ZNF469: variants seen among roughly 807,000 people sequenced by gnomAD.
The protein encoded by ZNF469 is zinc finger protein 469.
Under a neutral mutation model 1.0 loss-of-function variants are expected in ZNF469, and 1 was observed. That is an observed-to-expected ratio of 1.00 (90% CI 0.35 to 4.73). The LOEUF (loss-of-function observed/expected upper bound fraction) is 4.73. Among genes scored for constraint, ZNF469 ranks in the 30% most tolerant of loss-of-function variants. The pLI is 0.16. For synonymous variants in ZNF469, 2,703 were observed against 2,363.4 expected, an observed-to-expected ratio of 1.14 and a Z score of -4.17; for missense variants, 6,100 against 5,356.3, an observed-to-expected ratio of 1.14 and a Z score of -4.33.
rs189843416 is a variant in ZNF469, at chr16:88,417,923, C to T, written c.-191-6884C>T. On this transcript the variant is annotated intron_variant, in intron 1 of 2. Transcript: ENST00000565624. Reference sequence around the variant, plus strand: ...TCACGCGTGTGCATGGATGAGCATGCATAACTGCACACACCTGTATATGTG... The same window carrying T: ...TCACGCGTGTGCATGGATGAGCATGTATAACTGCACACACCTGTATATGTG... Among the ~76,000 whole-genome samples the T allele has an allele frequency of 2.6e-5, 4 of 152,338 alleles. No homozygotes were observed. The East Asian group carries it at 5.8e-4, about 22-fold the overall frequency.
the ZNF469 span, among the ~76,000 whole-genome samples, chr16:88,248,792 CCAGTAGTAG>C: frequency 6.6e-6 from 1 of 152,184 alleles, no homozygotes; most frequent in East Asian, 1.9e-4. Context: ...AACAGGTCAG[CCAGTAGTAG>C]CAGAGCGGGG....
chr16:88,298,015 T>G, the ZNF469 span, among the ~76,000 whole-genome samples: 2 of 152,206 alleles, frequency 1.3e-5, no homozygotes, highest in East Asian at 3.9e-4. Flanking sequence ...ATTCCTGCAA[T>G]TGTCCCACAG....
the ZNF469 span, among the ~76,000 whole-genome samples, chr16:88,146,465 G>C: frequency 6.6e-6 from 1 of 152,138 alleles, no homozygotes; most frequent in Non-Finnish European, 1.5e-5. Flanking sequence ...CACGCCCCCA[G>C]GTGCAGCACA....
At chr16:88,104,160 G>A in the ZNF469 span, among the ~76,000 whole-genome samples, 534 of 151,384 alleles carry the variant, frequency 3.5e-3, 2 homozygotes, top group African/African-American at 0.012. Flanking sequence ...TAAGACACTG[G>A]CCAGGACCAC....
chr16:88,191,438 A>C, the ZNF469 span: 3 of 152,272 alleles, frequency 2.0e-5, no homozygotes, highest in Non-Finnish European at 4.4e-5. Flanking sequence ...AAAGGCATCA[A>C]CCACCGCACT....
chr16:88,202,559 G>A, the ZNF469 span, among the ~76,000 whole-genome samples: 1 of 152,214 alleles, frequency 6.6e-6, no homozygotes, highest in Admixed American at 6.5e-5. Flanking sequence ...GGCGGGGCAG[G>A]TGCTGGCTCT....
chr16:88,213,162 C>G, the ZNF469 span, among the ~76,000 whole-genome samples: 3 of 151,764 alleles, frequency 2.0e-5, no homozygotes, highest in East Asian at 1.9e-4. Flanking sequence ...GCAGTGGCAC[C>G]ATCTTGGCTC....
At chr16:88,400,895 G>T (rs1479479791) in intron 1 of ZNF469, among the ~76,000 whole-genome samples, 1 of 151,946 alleles carries the variant, frequency 6.6e-6, no homozygotes, top group Admixed American at 6.6e-5. Flanking sequence ...GAGGGCCAGG[G>T]GGTGGCGGGG....
At chr16:88,331,752 T>C in the ZNF469 span, among the ~76,000 whole-genome samples, 2 of 149,250 alleles carry the variant, frequency 1.3e-5, no homozygotes, top group Admixed American at 6.6e-5. Context: ...ATCACCACCA[T>C]CATCATCATC....
chr16:88,407,370 G>A (rs1385621131), intron 1 of ZNF469, among the ~76,000 whole-genome samples: 4 of 152,368 alleles, frequency 2.6e-5, no homozygotes, highest in Middle Eastern at 3.4e-3. Flanking sequence ...TCAGTGTTAC[G>A]CGAAGGAAGG....
Position 88,429,875 on chromosome 16 carries a change from A to G in ZNF469, c.2405A>G (p.Asp802Gly), listed in dbSNP as rs1906009798. The G allele has an allele frequency of 5.2e-6, 8 of 1,549,928 alleles. No homozygotes were observed. The highest frequency in any genetic ancestry group is 7.0e-6 in the Non-Finnish European group (8 of 1,146,826). ...SHAKTFLLAG[D>G]AQAEGKDDPL... is the part of the protein sequence containing the mutation. ...GCGAAGACCTTCCTGTTAGCTGGGG[A>G]CGCCCAGGCCGAGGGCAAAGACGAC... is the stretch of plus-strand genomic sequence containing the variant. The change falls in exon 3 of 3, where the codon GAC becomes GGC. Residue 802 changes from aspartate to glycine, a missense_variant. By Grantham distance (94) the Asp-to-Gly change is moderately conservative. Transcript: ENST00000565624.
the ZNF469 span, among the ~76,000 whole-genome samples, chr16:88,289,402 G>GTGA: frequency 6.6e-6 from 1 of 150,454 alleles, no homozygotes; most frequent in African/African-American, 2.5e-5. Context: ...CATGATGATG[G>GTGA]TGATGATGAT....
chr16:88,111,080 G>A, the ZNF469 span, among the ~76,000 whole-genome samples: 6 of 152,194 alleles, frequency 3.9e-5, no homozygotes, highest in African/African-American at 1.4e-4. Flanking sequence ...CACCTGGGCC[G>A]GTGCGACTTC....
At chr16:88,315,588 G>C in the ZNF469 span, among the ~76,000 whole-genome samples, 6 of 152,194 alleles carry the variant, frequency 3.9e-5, no homozygotes, top group African/African-American at 1.4e-4. Flanking sequence ...GGGCCCAGGA[G>C]CTCTCAGGCC....
intron 2 of ZNF469, among the ~76,000 whole-genome samples, chr16:88,426,949 G>A (rs1905730142): frequency 6.6e-6 from 1 of 152,114 alleles, no homozygotes; most frequent in Non-Finnish European, 1.5e-5. Context: ...CCCTGCCCTG[G>A]GGCAGTTCCT....
chr16:88,223,980 T>C, the ZNF469 span, among the ~76,000 whole-genome samples: 1 of 152,228 alleles, frequency 6.6e-6, no homozygotes, highest in Non-Finnish European at 1.5e-5. Flanking sequence ...GGCATTTTTA[T>C]TAGTTTTCCA....
chr16:88,191,935 A>T, the ZNF469 span, among the ~76,000 whole-genome samples: 1 of 152,124 alleles, frequency 6.6e-6, no homozygotes, highest in South Asian at 2.1e-4. Flanking sequence ...TGAAGTCCTA[A>T]CACCCAGCGT....
the ZNF469 span, among the ~76,000 whole-genome samples, chr16:88,101,384 G>A: frequency 4.6e-5 from 7 of 152,280 alleles, no homozygotes; most frequent in South Asian, 2.1e-4. Context: ...GGTTAGGGGC[G>A]TCCTCCCCAA....
At chr16:88,390,891 G>A (rs1442158583) in intron 1 of ZNF469, among the ~76,000 whole-genome samples, 3 of 152,358 alleles carry the variant, frequency 2.0e-5, no homozygotes, top group African/African-American at 4.8e-5. Context: ...AGGCAAAGGC[G>A]CAGAGACACA....
Sources: gnomAD v4.1 joint callset for allele counts (sites outside exome capture counted in the v4.1 genomes callset) on GRCh38, gnomAD v4.1.1 for gene constraint, MANE v1.5 for transcripts, NCBI Gene and HGNC (gene_info 2026-07-23, HGNC 2026-07-21) for gene names.